Variants in APPL1 observed in about 807,000 individuals in gnomAD.
APPL1 encodes DCC-interacting protein 13-alpha.
APPL1 carries 42 observed loss-of-function variants against 106.8 expected under a neutral mutation model. The ratio of observed to expected loss-of-function variants is 0.39; its 90% CI spans 0.31 to 0.51. The LOEUF is 0.51. Ranked by LOEUF, APPL1 falls within the 20% of genes least tolerant of loss-of-function variation. The pLI is 0.75. For missense variants in APPL1, 769 were observed against 858.2 expected, an observed-to-expected ratio of 0.90 and a Z score of 1.30; for synonymous variants, 263 against 281.8, an observed-to-expected ratio of 0.93 and a Z score of 0.67.
chr3:57,264,391 T>A (rs528929971), intron 19 of APPL1, among the ~76,000 whole-genome samples: 1 of 152,072 alleles, frequency 6.6e-6, no homozygotes, highest in South Asian at 2.1e-4. Context: ...CTTGATGAGA[T>A]CCCATTTGTC....
At chr3:57,260,589 G>A in intron 18 of APPL1, 39 bp from the exon 19 acceptor site, 2 of 1,575,808 alleles carry the variant, frequency 1.3e-6, no homozygotes, top group African/African-American at 1.3e-5. Flanking sequence ...GTAATGACTT[G>A]TAAGATCTCA....
Position 57,272,270 on chromosome 3 carries a change from T to C in APPL1, c.*2583T>C, listed in dbSNP as rs900382108. ...TTATTCCTTCTACCTTTAAAAATTT[T>C]GAGAACTTGCCAACCAGGGATTAAA... On this transcript the variant is annotated 3_prime_UTR_variant, in exon 22 of 22. Transcript: ENST00000288266. The C allele has an allele frequency of 2.0e-5, 3 of 152,248 alleles. No individual in the cohort carries two copies. Among genetic ancestry groups the C allele is most frequent in the Admixed American group, 6.5e-5 (1 of 15,290 alleles). 9.4% of individuals were successfully genotyped at this position (152,248 alleles called of 1,614,324 possible). A position where few individuals can be genotyped will look rare whatever the true frequency, so the allele number is the denominator to read the frequency against.
intron 19 of APPL1, among the ~76,000 whole-genome samples, chr3:57,262,794 G>T (rs556946158): frequency 1.8e-4 from 27 of 148,358 alleles, no homozygotes; most frequent in Middle Eastern, 3.6e-3. Context: ...TTTGTTTTTC[G>T]TTTTTTGTGG....
intron 11 of APPL1, among the ~76,000 whole-genome samples, chr3:57,249,919 G>C (rs2060794155): frequency 6.6e-6 from 1 of 152,072 alleles, no homozygotes; most frequent in Non-Finnish European, 1.5e-5. Context: ...AGACAGTACA[G>C]TAATGTCTGT....
rs2060785971 is a variant in APPL1 at position 57,248,327 on chromosome 3, A to T, written c.839A>T (p.Lys280Met). The T allele has an allele frequency of 1.9e-6, 3 of 1,614,038 alleles. No homozygotes were observed. Among genetic ancestry groups the T allele is most frequent in the Non-Finnish European group, 2.5e-6 (3 of 1,180,022 alleles). ...CCTGTTAATCGAAATTTAACCCGAAAGGCTGGATACCTTAATGCTAGGAAG... is the reference window on the plus strand; with the variant it reads ...CCTGTTAATCGAAATTTAACCCGAATGGCTGGATACCTTAATGCTAGGAAG... ...KFPVNRNLTRKAGYLNARNKT... is the reference protein window; with the variant it reads ...KFPVNRNLTRMAGYLNARNKT... Residue 280 changes from lysine to methionine, a missense_variant, in exon 10 of 22, where the codon AAG (lysine) becomes ATG (methionine). Transcript: ENST00000288266.
chr3:57,249,255 C>G, intron 10 of APPL1, 105 bp from the exon 11 acceptor site: 1 of 1,152,986 alleles, frequency 8.7e-7, no homozygotes, highest in Non-Finnish European at 1.2e-6. Flanking sequence ...ATCTTGGTGC[C>G]TCTTCGCAAG....
intron 9 of APPL1, among the ~76,000 whole-genome samples, 158 bp from the exon 10 acceptor site, chr3:57,248,033 CTG>C (rs1291545258): frequency 5.3e-5 from 8 of 152,046 alleles, no homozygotes; most frequent in African/African-American, 1.7e-4. Flanking sequence ...TTCAAATAAA[CTG>C]TAAACCTGTT....
At chr3:57,235,531 G>C (rs1258592743) in intron 1 of APPL1, 35 bp from the exon 2 acceptor site, 2 of 1,354,792 alleles carry the variant, frequency 1.5e-6, no homozygotes, top group Non-Finnish European at 2.1e-6. Context: ...TTTGTATAAT[G>C]ATTAACATAA....
At position 57,248,369 on chromosome 3, in the gene APPL1, A is replaced by G. The variant is rs1367464972; in HGVS notation, c.863+18A>G. 3.1e-6 allele frequency: 5 copies of G among 1,609,718 alleles called. No individual in the cohort carries two copies. On this transcript the variant is annotated intron_variant, in intron 10 of 21. Transcript: ENST00000288266. ...GCTAGGAAGTAAGAAAACTATTGTT[A>G]TTTTTGTATATTGTGTATCATGTAA...
chr3:57,236,438 T>C (rs11707561), intron 2 of APPL1, among the ~76,000 whole-genome samples: 28,565 of 150,800 alleles, frequency 0.19, 3,511 homozygotes, highest in Non-Finnish European at 0.28. Context: ...AAGCAATTCT[T>C]CTGACTCAGC....
chr3:57,234,950 C>T (rs1316931689), intron 1 of APPL1, among the ~76,000 whole-genome samples: 57 of 151,960 alleles, frequency 3.8e-4, no homozygotes, highest in Admixed American at 3.5e-3. Context: ...CTACTGTGCT[C>T]GGCCTAAAAT....
At position 57,228,029 on chromosome 3, in the gene APPL1, G is replaced by A; in HGVS notation, c.54+92G>A. ...CGCGGCTCCCGCAGGTGCCCGCCCC[G>A]GCCCAGGTGGGGGCCGCCGCCGCCC... On this transcript the variant is annotated intron_variant, in intron 1 of 21. Transcript: ENST00000288266. This position sits in a 1 kb window ranked among gnomAD's most constrained non-coding sequence, Gnocchi z 4.6. 2 of 1,132,524 alleles carry A rather than the reference G, an allele frequency of 1.8e-6. No homozygotes were observed. Among genetic ancestry groups the A allele is most frequent in the Non-Finnish European group, 2.3e-6 (2 of 876,396 alleles). The allele number at this position is 1,132,524 out of a possible 1,614,324, so 70.2% of individuals were successfully genotyped here.
chr3:57,244,906 A>C (rs1391822827), intron 7 of APPL1, among the ~76,000 whole-genome samples: 1 of 152,188 alleles, frequency 6.6e-6, no homozygotes, highest in Non-Finnish European at 1.5e-5. Context: ...CTTTTGGGAG[A>C]TATTTTTTTA....
chr3:57,267,605 C>A, intron 19 of APPL1, 137 bp from the exon 20 acceptor site: 1 of 719,200 alleles, frequency 1.4e-6, no homozygotes, highest in Non-Finnish European at 2.4e-6. Context: ...GGGGCTTGAG[C>A]ATTCTTAAAT....
intron 13 of APPL1, 32 bp from the exon 14 acceptor site, chr3:57,256,925 A>G (rs776967966): frequency 6.3e-7 from 1 of 1,586,674 alleles, no homozygotes; most frequent in African/African-American, 1.3e-5. Flanking sequence ...TACTTTACTA[A>G]TATTAGTCCT....
At chr3:57,266,255 T>C (rs2060893983) in intron 19 of APPL1, among the ~76,000 whole-genome samples, 1 of 152,176 alleles carries the variant, frequency 6.6e-6, no homozygotes, top group Non-Finnish European at 1.5e-5. Context: ...TTTGGAACAT[T>C]TTGGGTAAGA....
chr3:57,233,215 A>G (rs1419105340), intron 1 of APPL1, among the ~76,000 whole-genome samples: 3 of 152,186 alleles, frequency 2.0e-5, no homozygotes, highest in African/African-American at 7.2e-5. Flanking sequence ...AATTGCCAGC[A>G]TTGTTTTGTT....
intron 1 of APPL1, among the ~76,000 whole-genome samples, chr3:57,234,280 AATTTTT>A (rs1343512575): frequency 1.3e-5 from 2 of 150,588 alleles, no homozygotes; most frequent in African/African-American, 4.9e-5. Flanking sequence ...ATCTTTGACA[AATTTTT>A]ATTGACATTC....
At chr3:57,258,058 C>T (rs148033106) in intron 15 of APPL1, among the ~76,000 whole-genome samples, 173 of 152,294 alleles carry the variant, frequency 1.1e-3, no homozygotes, top group African/African-American at 3.8e-3. Flanking sequence ...CAGAAATACA[C>T]TTAGCATTTG....
Sources: gnomAD v4.1 joint callset for allele counts (sites outside exome capture counted in the v4.1 genomes callset) on GRCh38, gnomAD v4.1.1 for gene constraint, Gnocchi (gnomAD v3.1) non-coding constraint, MANE v1.5 for transcripts, NCBI Gene and HGNC (gene_info 2026-07-23, HGNC 2026-07-21) for gene names.